Variants in NBEA observed in about 807,000 individuals in gnomAD.
NBEA encodes neurobeachin.
Under a neutral mutation model 343.4 loss-of-function variants are expected in NBEA, and 44 were observed. The ratio of observed to expected loss-of-function variants is 0.13; its 90% CI spans 0.10 to 0.16. NBEA has a LOEUF of 0.16. NBEA is among the 10% of genes least tolerant of loss of function. NBEA has a pLI of 1.00. For missense variants in NBEA, 2,555 were observed against 3,631.3 expected (o/e 0.70, Z 7.62); for synonymous variants, 1,175 against 1,238.7 (o/e 0.95, Z 1.08).
At chr13:35,432,223 A>G in intron 38 of NBEA, 46 bp from the exon 39 acceptor site, 1 of 1,484,398 alleles carries the variant, frequency 6.7e-7, no homozygotes, top group Non-Finnish European at 9.1e-7. Context: ...ATTTCCAGCT[A>G]TGCATTGTTA....
At chr13:35,272,250 A>C (rs944185892) in intron 34 of NBEA, among the ~76,000 whole-genome samples, 1 of 152,184 alleles carries the variant, frequency 6.6e-6, no homozygotes, top group Non-Finnish European at 1.5e-5. Context: ...ATATCCAGCC[A>C]AACTAACCTT....
intron 41 of NBEA, among the ~76,000 whole-genome samples, chr13:35,508,022 A>C (rs1435244932): frequency 6.6e-6 from 1 of 152,176 alleles, no homozygotes; most frequent in Admixed American, 6.5e-5. Flanking sequence ...CTACATATGC[A>C]ACTTTGTTTC....
intron 46 of NBEA, 168 bp from the exon 47 acceptor site, chr13:35,593,160 A>G (rs2081612589): frequency 7.2e-6 from 4 of 553,226 alleles, no homozygotes; most frequent in Non-Finnish European, 1.2e-5. Context: ...GCCTTGGCCT[A>G]GTCAAGCCCA....
At chr13:35,412,513 A>C (rs1024325508) in intron 38 of NBEA, among the ~76,000 whole-genome samples, 4 of 152,138 alleles carry the variant, frequency 2.6e-5, no homozygotes, top group African/African-American at 4.8e-5. Context: ...TTATTATGAA[A>C]TAGACTGAAA....
At chr13:35,062,422 T>A (rs1364011754) in intron 8 of NBEA, among the ~76,000 whole-genome samples, 1 of 151,560 alleles carries the variant, frequency 6.6e-6, no homozygotes, top group Non-Finnish European at 1.5e-5. Context: ...CCAGAAAAAA[T>A]ATTTGAATAA....
intron 38 of NBEA, among the ~76,000 whole-genome samples, chr13:35,393,100 G>A (rs2042583964): frequency 6.6e-6 from 1 of 152,036 alleles, no homozygotes. Flanking sequence ...AATATGACTG[G>A]TTTGAAATTG....
chr13:35,214,878 G>A (rs1225929459), intron 33 of NBEA, among the ~76,000 whole-genome samples: 1 of 151,662 alleles, frequency 6.6e-6, no homozygotes, highest in African/African-American at 2.4e-5. Flanking sequence ...TGTCTGTGGT[G>A]AGGTAAAGGT....
At chr13:35,333,406 A>G (rs745694332) in intron 36 of NBEA, among the ~76,000 whole-genome samples, 12 of 152,066 alleles carry the variant, frequency 7.9e-5, no homozygotes, top group Non-Finnish European at 1.3e-4. Context: ...AAAATTTTTT[A>G]TTTTTGTGCA....
chr13:35,112,992 G>C (rs1056606746), intron 13 of NBEA, among the ~76,000 whole-genome samples: 1 of 152,068 alleles, frequency 6.6e-6, no homozygotes, highest in African/African-American at 2.4e-5. Context: ...CACTAATAAT[G>C]TCCTTTCTAG....
chr13:35,279,847 C>T (rs555630153), intron 34 of NBEA, among the ~76,000 whole-genome samples: 1 of 152,056 alleles, frequency 6.6e-6, no homozygotes, highest in African/African-American at 2.4e-5. Context: ...AATAAGCCAC[C>T]AAGAACTAAC....
chr13:35,574,325 C>A (rs868559002), intron 45 of NBEA, among the ~76,000 whole-genome samples: 1 of 144,410 alleles, frequency 6.9e-6, no homozygotes, highest in Non-Finnish European at 1.5e-5. Flanking sequence ...TGATTAATTT[C>A]TCTTCTAGAT....
chr13:35,421,713 A>G (rs2044282224), intron 38 of NBEA, among the ~76,000 whole-genome samples: 1 of 152,098 alleles, frequency 6.6e-6, no homozygotes, highest in Non-Finnish European at 1.5e-5. Flanking sequence ...CTCTGATGGC[A>G]ATAAATATTC....
intron 31 of NBEA, among the ~76,000 whole-genome samples, chr13:35,201,515 T>G (rs1233113238): frequency 6.6e-6 from 1 of 152,036 alleles, no homozygotes; most frequent in African/African-American, 2.4e-5. Flanking sequence ...CAACGTTTTC[T>G]TTCAAGATAC....
At chr13:35,416,555 T>C (rs1185958352) in intron 38 of NBEA, among the ~76,000 whole-genome samples, 2 of 152,230 alleles carry the variant, frequency 1.3e-5, no homozygotes, top group Admixed American at 6.5e-5. Context: ...TTTGGGTATG[T>C]TGAACCAGCC....
In NBEA at chr13:35,159,768, A is replaced by G. The variant is rs930206852; in HGVS notation, c.3597A>G (p.Thr1199=). The G allele has an allele frequency of 6.2e-7, 1 of 1,613,050 alleles. No individual in the cohort carries two copies. Among genetic ancestry groups the G allele is most frequent in the Admixed American group, 1.7e-5 (1 of 59,822 alleles). The stretch of plus-strand genomic sequence containing the variant: ...CCGGTAGCGTAGACTTAACTTGTAC[A>G]TCCAGTATAATAGAAGAAAAAGAAT... ...HMTGSVDLTC[T]SSIIEEKEFK... is the part of the protein sequence containing the mutation. The change falls in exon 22 of 59, where the codon ACA becomes ACG. Residue 1199 remains threonine, a synonymous_variant. Transcript: ENST00000379939.
chr13:35,457,685 T>A (rs2046660133), intron 40 of NBEA, among the ~76,000 whole-genome samples: 1 of 152,084 alleles, frequency 6.6e-6, no homozygotes, highest in Non-Finnish European at 1.5e-5. Context: ...CTCGGTTCAC[T>A]GCAAGCTCTG....
intron 17 of NBEA, among the ~76,000 whole-genome samples, chr13:35,134,312 T>C (rs1488795513): frequency 2.0e-5 from 3 of 151,772 alleles, no homozygotes; most frequent in Admixed American, 2.0e-4. Flanking sequence ...CAGATATATG[T>C]TCAATCTTAC....
At chr13:35,155,537 G>T (rs2069112794) in intron 18 of NBEA, among the ~76,000 whole-genome samples, 1 of 152,090 alleles carries the variant, frequency 6.6e-6, no homozygotes, top group South Asian at 2.1e-4. Flanking sequence ...AGGGAAGAGA[G>T]TCACTTGAAC....
At chr13:35,420,935 A>G (rs183096960) in intron 38 of NBEA, among the ~76,000 whole-genome samples, 71 of 151,846 alleles carry the variant, frequency 4.7e-4, no homozygotes, top group African/African-American at 1.6e-3. Context: ...GATTTTTTTC[A>G]AAGAAACAGC....
Sources: gnomAD v4.1 joint callset for allele counts (sites outside exome capture counted in the v4.1 genomes callset) on GRCh38, gnomAD v4.1.1 for gene constraint, MANE v1.5 for transcripts, NCBI Gene and HGNC (gene_info 2026-07-23, HGNC 2026-07-21) for gene names.